G3BP2: variants seen among roughly 807,000 people sequenced by gnomAD.
G3BP2 encodes the protein G3BP stress granule assembly factor 2.
Under a neutral mutation model 56.7 loss-of-function variants are expected in G3BP2, and 11 were observed. The ratio of observed to expected loss-of-function variants is 0.19; its 90% CI spans 0.12 to 0.32. The LOEUF (loss-of-function observed/expected upper bound fraction) is 0.32. Among genes scored for constraint, G3BP2 ranks in the 10% least tolerant of loss-of-function variants. The probability of loss-of-function intolerance (pLI) is 1.00; values close to 1 mark genes in which losing one functional copy is unlikely to be tolerated. For missense variants in G3BP2, 340 were observed against 610.9 expected, an observed-to-expected ratio of 0.56 and a Z score of 4.67; for synonymous variants, 165 against 191.6, an observed-to-expected ratio of 0.86 and a Z score of 1.15.
At position 75,643,229 on chromosome 4, in the gene G3BP2, A is replaced by T. The variant is rs763169276; in HGVS notation, c.*2201T>A. On this transcript the variant is annotated 3_prime_UTR_variant, in exon 12 of 12. Transcript: ENST00000359707. ...CTACTTTTCTATTATTACACTTAACATTTGTCATTACTTTTGGTGCCAGAA... is the reference window on the plus strand; with the variant it reads ...CTACTTTTCTATTATTACACTTAACTTTTGTCATTACTTTTGGTGCCAGAA... 4 of 149,072 alleles carry T rather than the reference A, an allele frequency of 2.7e-5. No individual in the cohort carries two copies. Among genetic ancestry groups the T allele is most frequent in the Admixed American group, 6.7e-5 (1 of 14,894 alleles). 9.2% of individuals were successfully genotyped at this position (149,072 alleles called of 1,614,324 possible). A position where few individuals can be genotyped will look rare whatever the true frequency, so the allele number is the denominator to read the frequency against.
At position 75,655,264 on chromosome 4, in the gene G3BP2, G is replaced by A. The variant is rs554138053; in HGVS notation, c.546-18C>T. On this transcript the variant is annotated intron_variant, in intron 6 of 11. Coordinates refer to ENST00000359707, the MANE Select transcript of G3BP2 (RefSeq NM_203505.3). Reference sequence around the variant, plus strand: ...TGCCATTACTACAATAAAATATTTAGTTCACTTTTTAGTAGGAGTTCAAGT... The same window carrying A: ...TGCCATTACTACAATAAAATATTTAATTCACTTTTTAGTAGGAGTTCAAGT... 1.3e-6 allele frequency: 2 copies of A among 1,581,082 alleles called. No individual in the cohort carries two copies. Among genetic ancestry groups the A allele is most frequent in the East Asian group, 4.5e-5 (2 of 44,674 alleles).
intron 3 of G3BP2, among the ~76,000 whole-genome samples, chr4:75,718,153 AAAAT>A (rs572340812): frequency 4.6e-5 from 7 of 151,662 alleles, no homozygotes; most frequent in African/African-American, 1.7e-4. Context: ...AATTACAAAT[AAAAT>A]AAATAAATAA....
At chr4:75,717,526 T>G (rs1017633992) in intron 3 of G3BP2, among the ~76,000 whole-genome samples, 2 of 152,168 alleles carry the variant, frequency 1.3e-5, no homozygotes, top group African/African-American at 4.8e-5. Flanking sequence ...GGGCATAGCC[T>G]CAGGCAAATG....
intron 3 of G3BP2, among the ~76,000 whole-genome samples, chr4:75,679,731 C>A (rs1022161515): frequency 2.0e-5 from 3 of 152,248 alleles, no homozygotes; most frequent in African/African-American, 7.2e-5. Flanking sequence ...AATCAACATA[C>A]AAAGAATCAG....
intron 3 of G3BP2, among the ~76,000 whole-genome samples, chr4:75,718,035 A>T (rs139308425): frequency 6.6e-6 from 1 of 152,102 alleles, no homozygotes; most frequent in African/African-American, 2.4e-5. Flanking sequence ...GCTACTTGGG[A>T]GGCTGAGGCA....
intron 3 of G3BP2, among the ~76,000 whole-genome samples, chr4:75,680,692 C>T (rs1158024910): frequency 6.6e-6 from 1 of 152,158 alleles, no homozygotes; most frequent in African/African-American, 2.4e-5. Flanking sequence ...CCTAGCCAGG[C>T]GCAGTGGCTC....
chr4:75,677,003 C>G (rs961325482), upstream of G3BP2, among the ~76,000 whole-genome samples: 2 of 152,146 alleles, frequency 1.3e-5, no homozygotes, highest in Non-Finnish European at 1.5e-5. Context: ...TATCAAAACA[C>G]TGTGAAAAAT....
upstream of G3BP2, chr4:75,673,727 C>T: frequency 1.4e-6 from 1 of 691,350 alleles, no homozygotes; most frequent in Non-Finnish European, 2.0e-6. Context: ...AGAGCTGGTT[C>T]GCAGCAACGC....
chr4:75,686,048 T>C (rs1370994776), intron 3 of G3BP2, among the ~76,000 whole-genome samples: 1 of 152,156 alleles, frequency 6.6e-6, no homozygotes, highest in Non-Finnish European at 1.5e-5. Flanking sequence ...GACAATTTTT[T>C]AAAATGGGTA....
intron 3 of G3BP2, among the ~76,000 whole-genome samples, chr4:75,690,405 C>A (rs1718803597): frequency 6.7e-6 from 1 of 150,054 alleles, no homozygotes; most frequent in African/African-American, 2.5e-5. Flanking sequence ...GCACTCTAGC[C>A]TGGGCAACAA....
chr4:75,643,633 T>C lies in G3BP2; in HGVS notation c.*1797A>G, dbSNP rs1731024093. On this transcript the variant is annotated 3_prime_UTR_variant, in exon 12 of 12. Transcript: ENST00000359707. ...GATTTTACTCATATTGCCCAGTACA[T>C]GAAAAACAAAATACATGCATCATTT... The C allele has an allele frequency of 6.6e-6, 1 of 152,506 alleles. No homozygotes were observed. Among genetic ancestry groups the C allele is most frequent in the Non-Finnish European group, 1.5e-5 (1 of 68,004 alleles). The allele number at this position is 152,506 out of a possible 1,614,324, so 9.4% of individuals were successfully genotyped here.
At chr4:75,699,037 T>C (rs1014165388) in intron 3 of G3BP2, among the ~76,000 whole-genome samples, 2 of 152,124 alleles carry the variant, frequency 1.3e-5, no homozygotes, top group Non-Finnish European at 2.9e-5. Flanking sequence ...CCAGCATCTG[T>C]ACCCACCTAC....
intron 2 of G3BP2, 84 bp from the exon 3 acceptor site, chr4:75,659,008 G>A (rs560954034): frequency 6.9e-5 from 70 of 1,019,216 alleles, no homozygotes; most frequent in Admixed American, 3.6e-4. Flanking sequence ...ACTAGGTTCC[G>A]GATCCCGCTC....
At chr4:75,674,718 A>ATAT (rs1241041465), upstream of G3BP2, among the ~76,000 whole-genome samples, 11 of 71,432 alleles carry the variant, frequency 1.5e-4, no homozygotes, top group African/African-American at 4.1e-4. Context: ...ATATATATAT[A>ATAT]TTTTTTTTTT....
At chr4:75,724,006 GTAGGGTTTGATGGGTTTCCT>G (rs1720293045) in intron 1 of G3BP2, 7 of 152,172 alleles carry the variant, frequency 4.6e-5, no homozygotes, top group Admixed American at 3.9e-4. Flanking sequence ...TAAGCTAAAT[GTAGGGTTTGATGGGTTTCCT>G]CCTGACGACA....
At chr4:75,693,977 G>C (rs1718990100) in intron 3 of G3BP2, among the ~76,000 whole-genome samples, 1 of 151,870 alleles carries the variant, frequency 6.6e-6, no homozygotes, top group Non-Finnish European at 1.5e-5. Flanking sequence ...CTAGTCTCAA[G>C]CAATCTTCCT....
chr4:75,673,584 G>T (rs1333008974), upstream of G3BP2: 1 of 1,231,758 alleles, frequency 8.1e-7, no homozygotes, highest in Non-Finnish European at 1.0e-6. Context: ...ACACGCTCGC[G>T]CCCGGAAAGC....
At chr4:75,702,088 A>G (rs1319821467) in intron 3 of G3BP2, among the ~76,000 whole-genome samples, 3 of 151,192 alleles carry the variant, frequency 2.0e-5, no homozygotes, top group African/African-American at 7.3e-5. Context: ...TCTCCCATGT[A>G]TTCTTCTAAA....
rs1225773304 is a variant in G3BP2, at chr4:75,655,782, T to C, written c.531A>G (p.Glu177=). Residue 177 remains glutamate, a synonymous_variant, in exon 6 of 12, where the codon GAA becomes GAG. Transcript: ENST00000359707. ...VQENANSGYY[E]AHPVTNGIEE... is the part of the protein sequence containing the mutation. The stretch of plus-strand genomic sequence containing the variant: ...AGTATGCTTACGTCACAGGGTGAGC[T>C]TCATAGTAACCACTGTTAGCATTTT... The C allele has an allele frequency of 6.3e-7, 1 of 1,578,104 alleles. No homozygotes were observed. Among genetic ancestry groups the C allele is most frequent in the South Asian group, 1.1e-5 (1 of 90,384 alleles).
Sources: allele counts gnomAD v4.1 joint callset (sites outside exome capture counted in the v4.1 genomes callset), GRCh38; gene constraint gnomAD v4.1.1; transcripts MANE v1.5; gene names NCBI Gene and HGNC (gene_info 2026-07-23, HGNC 2026-07-21).